PEMT: variants seen among roughly 807,000 people sequenced by gnomAD.
The protein encoded by PEMT is phospholipid methyltransferase.
Under a neutral mutation model 27.4 loss-of-function variants are expected in PEMT, and 23 were observed. The observed-to-expected ratio is 0.84, with a 90% CI of 0.60 to 1.19. The LOEUF is 1.19. Among genes scored for constraint, PEMT ranks in the 50% most tolerant of loss-of-function variants. PEMT has a pLI of 0.00. For missense variants in PEMT, 307 were observed against 310.1 expected (o/e 0.99, Z 0.07); for synonymous variants, 137 against 139.1 (o/e 0.98, Z 0.11).
At chr17:17,535,312 A>T (rs1359295808) in intron 2 of PEMT, among the ~76,000 whole-genome samples, 2 of 152,206 alleles carry the variant, frequency 1.3e-5, no homozygotes, top group Non-Finnish European at 2.9e-5. Flanking sequence ...TCACATCTGT[A>T]ATTCCAGCAC....
chr17:17,570,696 G>C (rs1911135788), intron 2 of PEMT: 5 of 985,436 alleles, frequency 5.1e-6, no homozygotes, highest in Non-Finnish European at 4.8e-6. Context: ...GGGCCTCCCG[G>C]GACAGGGGAA....
intron 2 of PEMT, among the ~76,000 whole-genome samples, chr17:17,568,357 G>A (rs1003665999): frequency 6.6e-6 from 1 of 152,214 alleles, no homozygotes; most frequent in Non-Finnish European, 1.5e-5. Context: ...TTAATAAGTT[G>A]TGAGCTTTCT....
At chr17:17,507,920 C>A in intron 5 of PEMT, 1 of 152,620 alleles carries the variant, frequency 6.6e-6, no homozygotes, top group Admixed American at 6.5e-5. Flanking sequence ...CCCCAGAGCC[C>A]TGGCCTGGCT....
At chr17:17,581,395 C>A (rs560154392) in intron 1 of PEMT, among the ~76,000 whole-genome samples, 1 of 152,252 alleles carries the variant, frequency 6.6e-6, no homozygotes, top group Non-Finnish European at 1.5e-5. Context: ...AGCAAAGCCT[C>A]CAGACCCCAG....
intron 2 of PEMT, among the ~76,000 whole-genome samples, chr17:17,537,446 C>T (rs572944069): frequency 7.9e-5 from 12 of 152,332 alleles, no homozygotes; most frequent in African/African-American, 2.4e-4. Flanking sequence ...CCCAACACAC[C>T]GGGCTCCCCC....
chr17:17,591,844 C>A (rs1912606454), upstream of PEMT: 3 of 1,378,420 alleles, frequency 2.2e-6, no homozygotes, highest in Non-Finnish European at 2.8e-6. Context: ...AACTACAAGT[C>A]CCAGTGTGTT....
intron 2 of PEMT, among the ~76,000 whole-genome samples, chr17:17,564,853 G>C (rs916878910): frequency 6.6e-6 from 1 of 152,216 alleles, no homozygotes; most frequent in African/African-American, 2.4e-5. Context: ...TGGCCAGGGA[G>C]GGCCTTGGGA....
chr17:17,565,575 C>T (rs1910775334), intron 2 of PEMT, among the ~76,000 whole-genome samples: 1 of 152,232 alleles, frequency 6.6e-6, no homozygotes, highest in Non-Finnish European at 1.5e-5. Context: ...GTGGCAGGAA[C>T]AGGGCTGCCT....
At chr17:17,535,646 T>C (rs185142797) in intron 2 of PEMT, among the ~76,000 whole-genome samples, 27 of 152,066 alleles carry the variant, frequency 1.8e-4, no homozygotes, top group Admixed American at 1.4e-3. Context: ...CTGATGAAAT[T>C]TGATGTCTGG....
intron 2 of PEMT, among the ~76,000 whole-genome samples, chr17:17,545,379 T>C (rs1175476699): frequency 6.6e-6 from 1 of 152,160 alleles, no homozygotes; most frequent in Non-Finnish European, 1.5e-5. Context: ...CTCCTCACAG[T>C]GTTCCTGCCA....
At chr17:17,519,811 C>T (rs57833789) in intron 3 of PEMT, among the ~76,000 whole-genome samples, 15 of 152,226 alleles carry the variant, frequency 9.9e-5, no homozygotes, top group African/African-American at 3.6e-4. Flanking sequence ...CAGAACTCAG[C>T]AGAGACTCAG....
intron 2 of PEMT, among the ~76,000 whole-genome samples, chr17:17,568,527 G>T (rs1051585602): frequency 1.1e-4 from 16 of 152,212 alleles, no homozygotes; most frequent in Non-Finnish European, 8.8e-5. Context: ...AGAGCTAGAT[G>T]GGGCCTCAGC....
At chr17:17,574,244 CA>C (rs1158184847) in intron 2 of PEMT, among the ~76,000 whole-genome samples, 3,066 of 45,204 alleles carry the variant, frequency 0.068, 89 homozygotes, top group East Asian at 0.19. Flanking sequence ...AGCTTATGAC[CA>C]AAAAAAAAAA....
intron 1 of PEMT, among the ~76,000 whole-genome samples, chr17:17,586,577 T>G (rs1168301840): frequency 6.6e-6 from 1 of 152,154 alleles, no homozygotes; most frequent in African/African-American, 2.4e-5. Flanking sequence ...TTGGGAAATC[T>G]AGAAACATTT....
chr17:17,521,709 C>T (rs866538905), intron 3 of PEMT, among the ~76,000 whole-genome samples: 5 of 152,102 alleles, frequency 3.3e-5, no homozygotes, highest in Admixed American at 6.5e-5. Flanking sequence ...GGATTACAGG[C>T]GCATGCACCA....
chr17:17,544,983 C>T (rs1481725125), intron 2 of PEMT, among the ~76,000 whole-genome samples: 2 of 152,190 alleles, frequency 1.3e-5, no homozygotes, highest in African/African-American at 4.8e-5. Context: ...AGAGGGAGTC[C>T]AAGGTGGGCC....
At position 17,577,092 on chromosome 17, in the gene PEMT, C is replaced by A; in HGVS notation, c.97-65G>T. On this transcript the variant is annotated intron_variant, in intron 1 of 6. Transcript: ENST00000255389. ...GCAGGGCCTGTGAGCCCCCAGGAGT[C>A]GGAGAAAAAGTTACCCTCTGGGAAC... 2.3e-6 allele frequency: 3 copies of A among 1,281,964 alleles called. No individual in the cohort carries two copies. The South Asian group carries it at 3.6e-5, about 15-fold the overall frequency. 79.4% of individuals were successfully genotyped at this position (1,281,964 alleles called of 1,614,324 possible).
At chr17:17,541,560 G>A (rs11651620) in intron 2 of PEMT, among the ~76,000 whole-genome samples, 73,869 of 152,114 alleles carry the variant, frequency 0.49, 18,226 homozygotes, top group Non-Finnish European at 0.54. Flanking sequence ...CAGCTCCAGC[G>A]AGCCAGAGCC....
intron 1 of PEMT, among the ~76,000 whole-genome samples, chr17:17,588,682 G>T (rs1912446965): frequency 6.6e-6 from 1 of 152,160 alleles, no homozygotes; most frequent in Admixed American, 6.5e-5. Flanking sequence ...TTGCTCTGAG[G>T]ACCTCAGTGT....
Sources: allele counts gnomAD v4.1 joint callset (sites outside exome capture counted in the v4.1 genomes callset), GRCh38; gene constraint gnomAD v4.1.1; transcripts MANE v1.5; gene names NCBI Gene and HGNC (gene_info 2026-07-23, HGNC 2026-07-21).